WWOX: variants seen among roughly 807,000 people sequenced by gnomAD.
WWOX encodes the protein WW domain containing oxidoreductase.
A neutral mutation model predicts 46.2 loss-of-function variants in WWOX; 69 were observed. The ratio of observed to expected loss-of-function variants is 1.49; its 90% confidence interval spans 1.23 to 1.82. The LOEUF is 1.82. Ranked by LOEUF, WWOX falls within the 40% of genes most tolerant of loss-of-function variation. The probability of loss-of-function intolerance (pLI) is 0.00; values close to 1 mark genes in which losing one functional copy is unlikely to be tolerated. For missense variants in WWOX, 919 were observed against 542.6 expected, an observed-to-expected ratio of 1.69 and a Z score of -6.89; for synonymous variants, 359 against 202.6, an observed-to-expected ratio of 1.77 and a Z score of -6.56.
chr16:79,040,716 A>T (rs1057057633), intron 8 of WWOX, among the ~76,000 whole-genome samples: 1 of 152,088 alleles, frequency 6.6e-6, no homozygotes, highest in African/African-American at 2.4e-5. Flanking sequence ...GATCATTGGG[A>T]TAACTAGAAC....
chr16:78,283,739 C>G (rs1395445607), intron 5 of WWOX, among the ~76,000 whole-genome samples: 1 of 151,980 alleles, frequency 6.6e-6, no homozygotes, highest in South Asian at 2.1e-4. Context: ...TTTCCCTCCC[C>G]CAAACAATGG....
At chr16:78,997,606 C>A (rs760968150) in intron 8 of WWOX, among the ~76,000 whole-genome samples, 1 of 152,084 alleles carries the variant, frequency 6.6e-6, no homozygotes, top group Admixed American at 6.6e-5. Flanking sequence ...ACTGATCATG[C>A]CAAGAAACCT....
chr16:78,938,067 G>A (rs1189593888), intron 8 of WWOX, among the ~76,000 whole-genome samples: 6 of 152,196 alleles, frequency 3.9e-5, no homozygotes, highest in Non-Finnish European at 1.5e-5. Flanking sequence ...AGTCTGGGCA[G>A]CCAGCAGCAG....
chr16:79,202,683 C>G (rs2051382797), intron 8 of WWOX: 1 of 152,154 alleles, frequency 6.6e-6, no homozygotes, highest in African/African-American at 2.4e-5. Flanking sequence ...TTTTTCCCCT[C>G]TGTTAACAAA....
chr16:78,115,963 G>C (rs752475277), intron 4 of WWOX, among the ~76,000 whole-genome samples: 1 of 151,990 alleles, frequency 6.6e-6, no homozygotes, highest in Admixed American at 6.6e-5. Flanking sequence ...CCCCCTTGAT[G>C]CCCTCCTCTA....
chr16:78,811,912 T>C (rs1028068993), intron 8 of WWOX, among the ~76,000 whole-genome samples: 1 of 152,218 alleles, frequency 6.6e-6, no homozygotes, highest in Admixed American at 6.5e-5. Context: ...TAATAAGATA[T>C]ACCTGTTAGG....
At chr16:78,986,261 A>G (rs2046782467) in intron 8 of WWOX, among the ~76,000 whole-genome samples, 1 of 152,214 alleles carries the variant, frequency 6.6e-6, no homozygotes, top group Non-Finnish European at 1.5e-5. Flanking sequence ...ATAGTTAATC[A>G]GTTTTACAAA....
chr16:78,971,545 C>T (rs886228297), intron 8 of WWOX, among the ~76,000 whole-genome samples: 1 of 151,584 alleles, frequency 6.6e-6, no homozygotes. Flanking sequence ...ATGGAGCACT[C>T]TAATGGATCC....
At chr16:79,020,295 T>G (rs1359016694) in intron 8 of WWOX, among the ~76,000 whole-genome samples, 1 of 152,128 alleles carries the variant, frequency 6.6e-6, no homozygotes, top group Non-Finnish European at 1.5e-5. Context: ...GAAGACTTCT[T>G]AGGGAGGTGA....
chr16:78,896,766 T>TGA (rs1414406072), intron 8 of WWOX: 1 of 152,060 alleles, frequency 6.6e-6, no homozygotes, highest in Non-Finnish European at 1.5e-5. Flanking sequence ...TGTGTGTGTG[T>TGA]GTGAGAGAGA....
At chr16:78,417,122 G>C (rs1306306973) in intron 6 of WWOX, among the ~76,000 whole-genome samples, 1 of 151,868 alleles carries the variant, frequency 6.6e-6, no homozygotes, top group Non-Finnish European at 1.5e-5. Flanking sequence ...GCCCAGGCTG[G>C]AGATCAGTGG....
At chr16:78,117,296 C>G (rs1050769975) in intron 4 of WWOX, among the ~76,000 whole-genome samples, 1 of 152,012 alleles carries the variant, frequency 6.6e-6, no homozygotes, top group African/African-American at 2.4e-5. Flanking sequence ...CTTAGGGAGA[C>G]CAGCCTTTCC....
intron 5 of WWOX, chr16:78,238,227 A>T (rs2037507961): frequency 6.6e-6 from 1 of 152,172 alleles, no homozygotes; most frequent in African/African-American, 2.4e-5. Flanking sequence ...ATTTATAGCA[A>T]ATTTATTTGG....
intron 8 of WWOX, among the ~76,000 whole-genome samples, chr16:78,704,908 A>G (rs117768555): frequency 0.015 from 2,114 of 137,578 alleles, 23 homozygotes; most frequent in South Asian, 0.038. Flanking sequence ...TTCTTCCTCT[A>G]AAATACAACT....
At chr16:78,364,598 A>G (rs1183639231) in intron 5 of WWOX, among the ~76,000 whole-genome samples, 1 of 152,078 alleles carries the variant, frequency 6.6e-6, no homozygotes, top group East Asian at 1.9e-4. Flanking sequence ...TTACAGTATA[A>G]TAAAAATAAA....
chr16:79,126,529 G>A (rs990271947), intron 8 of WWOX, among the ~76,000 whole-genome samples: 3 of 152,130 alleles, frequency 2.0e-5, no homozygotes, highest in East Asian at 3.9e-4. Flanking sequence ...TTGTGAAGAA[G>A]GTTCTTGCTT....
At chr16:79,031,784 TA>T (rs1346710975) in intron 8 of WWOX, among the ~76,000 whole-genome samples, 2 of 139,752 alleles carry the variant, frequency 1.4e-5, no homozygotes, top group African/African-American at 5.3e-5. Flanking sequence ...TAGAAAGATA[TA>T]TAATCTATAT....
chr16:78,500,301 G>A (rs887788457), intron 8 of WWOX, among the ~76,000 whole-genome samples: 4 of 152,102 alleles, frequency 2.6e-5, no homozygotes, highest in African/African-American at 9.7e-5. Context: ...TCTCCATTCC[G>A]CTTGCCAAGA....
At chr16:78,701,000 C>T (rs2048204841) in intron 8 of WWOX, among the ~76,000 whole-genome samples, 1 of 152,104 alleles carries the variant, frequency 6.6e-6, no homozygotes, top group Non-Finnish European at 1.5e-5. Context: ...TGGAGCTAGG[C>T]TGCCTAGGTT....
Sources: gnomAD v4.1 joint callset for allele counts (sites outside exome capture counted in the v4.1 genomes callset) on GRCh38, gnomAD v4.1.1 for gene constraint, MANE v1.5 for transcripts, NCBI Gene and HGNC (gene_info 2026-07-23, HGNC 2026-07-21) for gene names.